Variants in CRPPA observed in about 807,000 individuals in gnomAD.
CRPPA encodes the protein D-ribitol-5-phosphate cytidylyltransferase.
A neutral mutation model predicts 52.0 loss-of-function variants in CRPPA; 43 were observed. The ratio of observed to expected loss-of-function variants is 0.83; its 90% confidence interval spans 0.65 to 1.07. The LOEUF (loss-of-function observed/expected upper bound fraction) is 1.07. CRPPA is among the 50% of genes least tolerant of loss of function. The pLI is 0.00. For synonymous variants in CRPPA, 250 were observed against 203.5 expected, an observed-to-expected ratio of 1.23 and a Z score of -1.94; for missense variants, 629 against 551.7, an observed-to-expected ratio of 1.14 and a Z score of -1.40.
chr7:16,399,086 C>T (rs1330921550), intron 2 of CRPPA, among the ~76,000 whole-genome samples: 1 of 152,228 alleles, frequency 6.6e-6, no homozygotes, highest in African/African-American at 2.4e-5. Context: ...ACGTGACTGA[C>T]ACATGATAGA....
At chr7:16,179,500 G>C (rs1781369583) in intron 9 of CRPPA, among the ~76,000 whole-genome samples, 1 of 152,090 alleles carries the variant, frequency 6.6e-6, no homozygotes, top group Non-Finnish European at 1.5e-5. Context: ...ATGGGTAAGA[G>C]AGAGAGGTGT....
chr7:16,302,729 A>G (rs1264067015), intron 4 of CRPPA, among the ~76,000 whole-genome samples: 1 of 152,212 alleles, frequency 6.6e-6, no homozygotes, highest in Admixed American at 6.5e-5. Context: ...TTTCACCCAC[A>G]CAGAACCTTT....
chr7:16,322,771 T>C (rs1785289996), intron 3 of CRPPA, among the ~76,000 whole-genome samples: 1 of 152,110 alleles, frequency 6.6e-6, no homozygotes, highest in African/African-American at 2.4e-5. Flanking sequence ...GGGTATATAG[T>C]GAACAGTGTA....
intron 6 of CRPPA, among the ~76,000 whole-genome samples, chr7:16,274,304 C>T (rs1021675713): frequency 1.3e-5 from 2 of 152,126 alleles, no homozygotes; most frequent in African/African-American, 4.8e-5. Context: ...CACCTCGGAT[C>T]CCAAATTGCT....
intron 5 of CRPPA, among the ~76,000 whole-genome samples, chr7:16,289,198 T>C (rs1049439589): frequency 2.6e-5 from 4 of 151,978 alleles, no homozygotes; most frequent in African/African-American, 4.8e-5. Context: ...ATTAACGAGA[T>C]TGAATCAGTA....
At chr7:16,408,132 A>T (rs1787999533) in intron 1 of CRPPA, among the ~76,000 whole-genome samples, 1 of 150,142 alleles carries the variant, frequency 6.7e-6, no homozygotes, top group Admixed American at 6.7e-5. Context: ...TAAAAAAATA[A>T]CTTATCAGCA....
intron 9 of CRPPA, among the ~76,000 whole-genome samples, chr7:16,125,177 T>C (rs967269421): frequency 5.4e-5 from 8 of 148,042 alleles, no homozygotes; most frequent in African/African-American, 1.8e-4. Flanking sequence ...GAAGAATTGT[T>C]GGAACCTGGG....
intron 9 of CRPPA, among the ~76,000 whole-genome samples, chr7:16,137,856 A>G (rs964346349): frequency 1.3e-5 from 2 of 152,182 alleles, no homozygotes; most frequent in African/African-American, 2.4e-5. Context: ...ACCACAGTGT[A>G]TGCAGTACAC....
intron 8 of CRPPA, among the ~76,000 whole-genome samples, chr7:16,245,612 T>C (rs1045226873): frequency 6.6e-6 from 1 of 152,192 alleles, no homozygotes; most frequent in African/African-American, 2.4e-5. Context: ...CACATTTTTC[T>C]ATTAAGGTAA....
chr7:16,175,332 C>T (rs1262504772), intron 9 of CRPPA, among the ~76,000 whole-genome samples: 1 of 152,122 alleles, frequency 6.6e-6, no homozygotes, highest in Non-Finnish European at 1.5e-5. Context: ...GTCACAATCT[C>T]TCACTATACT....
At chr7:16,394,359 C>G (rs1027722554) in intron 2 of CRPPA, among the ~76,000 whole-genome samples, 10 of 152,028 alleles carry the variant, frequency 6.6e-5, no homozygotes, top group African/African-American at 2.4e-4. Flanking sequence ...AGTATGCTGT[C>G]AAAATATATG....
chr7:16,407,057 C>A (rs546809193), intron 1 of CRPPA, among the ~76,000 whole-genome samples: 5 of 152,308 alleles, frequency 3.3e-5, no homozygotes, highest in African/African-American at 1.2e-4. Flanking sequence ...TTCACTGCAA[C>A]CTCTGCCTCC....
chr7:16,151,727 G>T (rs1783079461), intron 9 of CRPPA, among the ~76,000 whole-genome samples: 1 of 151,850 alleles, frequency 6.6e-6, no homozygotes, highest in South Asian at 2.1e-4. Context: ...CATATTGACT[G>T]ATCTTCTAGT....
Position 16,107,120 on chromosome 7 carries a change from G to A in CRPPA, c.1252-15321C>T, listed in dbSNP as rs557280218. Among the ~76,000 whole-genome samples the A allele has an allele frequency of 2.0e-5, 3 of 152,008 alleles. No homozygotes were observed. The East Asian group carries it at 5.8e-4, about 29-fold the overall frequency. ...AGAAAGAAGGCTATAGGAATTAAGG[G>A]ACAGCAGCAAAGGACCGAACATTCA... On this transcript the variant is annotated intron_variant, in intron 9 of 9. Transcript: ENST00000407010.
intron 9 of CRPPA, among the ~76,000 whole-genome samples, chr7:16,170,271 A>G (rs569926451): frequency 3.3e-5 from 5 of 152,342 alleles, no homozygotes; most frequent in Admixed American, 1.3e-4. Context: ...TTTAGAAATG[A>G]GCTGCCAGAG....
chr7:16,148,359 C>T lies in CRPPA; in HGVS notation c.1252-56560G>A, dbSNP rs113385839. ...CCTATGTTTAATGCAGCACTATTCA[C>T]AACAGCTAACATGTGGAAATAACCT... On this transcript the variant is annotated intron_variant, in intron 9 of 9. Coordinates refer to ENST00000407010, the MANE Select transcript of CRPPA (RefSeq NM_001101426.4). Among the ~76,000 whole-genome samples the T allele has an allele frequency of 6.3e-3, 962 of 152,236 alleles. 12 individuals are homozygous for T. Among genetic ancestry groups the T allele is most frequent in the African/African-American group, 0.022 (916 of 41,548 alleles).
intron 3 of CRPPA, among the ~76,000 whole-genome samples, chr7:16,330,549 C>A (rs974446023): frequency 6.6e-6 from 1 of 152,056 alleles, no homozygotes; most frequent in African/African-American, 2.4e-5. Flanking sequence ...AGGGAAAGCT[C>A]AAATGTAATT....
chr7:16,165,112 C>G (rs1781025266), intron 9 of CRPPA, among the ~76,000 whole-genome samples: 1 of 152,060 alleles, frequency 6.6e-6, no homozygotes, highest in Non-Finnish European at 1.5e-5. Context: ...TGCCCCTTCC[C>G]CCTAAAAGTC....
At chr7:16,102,628 G>T (rs188550555) in intron 9 of CRPPA, among the ~76,000 whole-genome samples, 1 of 151,308 alleles carries the variant, frequency 6.6e-6, no homozygotes, top group Non-Finnish European at 1.5e-5. Flanking sequence ...ACAAACAACT[G>T]CATTAAAACG....
Sources: gnomAD v4.1 joint callset for allele counts (sites outside exome capture counted in the v4.1 genomes callset) on GRCh38, gnomAD v4.1.1 for gene constraint, MANE v1.5 for transcripts, NCBI Gene and HGNC (gene_info 2026-07-23, HGNC 2026-07-21) for gene names.